The following CCDC62 variants were observed in gnomAD, a reference collection of about 807,000 sequenced individuals.
CCDC62 encodes coiled-coil domain containing 62, also known as coiled-coil domain-containing protein 62.
A neutral mutation model predicts 80.8 loss-of-function variants in CCDC62; 72 were observed. The ratio of observed to expected loss-of-function variants is 0.89; its 90% confidence interval spans 0.74 to 1.08. CCDC62 has a LOEUF of 1.08. Among genes scored for constraint, CCDC62 ranks in the 50% least tolerant of loss-of-function variants. CCDC62 has a pLI of 0.00. For missense variants in CCDC62, 704 were observed against 809.4 expected (o/e 0.87, Z 1.58); for synonymous variants, 286 against 296.5 (o/e 0.96, Z 0.36).
chr12:122,814,311 A>C (rs1478082856), intron 11 of CCDC62, among the ~76,000 whole-genome samples: 1 of 149,560 alleles, frequency 6.7e-6, no homozygotes, highest in African/African-American at 2.5e-5. Flanking sequence ...AGAGAGAGAG[A>C]AAGAAAGAAA....
intron 10 of CCDC62, among the ~76,000 whole-genome samples, chr12:122,812,831 A>AAAGAAAG (rs1566086864): frequency 7.2e-6 from 1 of 138,930 alleles, no homozygotes; most frequent in African/African-American, 2.6e-5. Context: ...AAGAAAGAAA[A>AAAGAAAG]GGAATGAATT....
chr12:122,790,663 TAAAA>T (rs1191032832), intron 5 of CCDC62, among the ~76,000 whole-genome samples: 1 of 150,282 alleles, frequency 6.7e-6, no homozygotes, highest in African/African-American at 2.4e-5. Flanking sequence ...CTCAAAAAAA[TAAAA>T]AAAAAGAAGA....
chr12:122,825,801 C>CA (rs1290612327), intron 12 of CCDC62, among the ~76,000 whole-genome samples: 1 of 139,528 alleles, frequency 7.2e-6, no homozygotes, highest in Non-Finnish European at 1.6e-5. Flanking sequence ...TCCTGGCCAA[C>CA]ATGGCGAAAC....
Position 122,783,477 on chromosome 12 carries a change from C to T in CCDC62, c.396+2147C>T, listed in dbSNP as rs906391648. 5.3e-5 allele frequency among the ~76,000 whole-genome samples: 8 copies of T among 152,070 alleles called. No individual in the cohort carries two copies. In the East Asian group the frequency reaches 5.8e-4, roughly 11 times the overall value. ...TCCTGACCTCGTGATCTGCCCGCCT[C>T]GGCCTCCCAAAGTGCTGGGATTACA... On this transcript the variant is annotated intron_variant, in intron 3 of 12. Transcript: ENST00000253079.
intron 8 of CCDC62, among the ~76,000 whole-genome samples, chr12:122,798,805 C>T (rs537638338): frequency 2.0e-5 from 3 of 151,436 alleles, no homozygotes; most frequent in Middle Eastern, 3.4e-3. Flanking sequence ...ATAGGCCTGG[C>T]GCGGTGGCTC....
At chr12:122,795,122 C>T (rs972683189) in intron 6 of CCDC62, among the ~76,000 whole-genome samples, 1 of 151,862 alleles carries the variant, frequency 6.6e-6, no homozygotes, top group Non-Finnish European at 1.5e-5. Flanking sequence ...GCGATCTTGT[C>T]TCACTTCAAC....
intron 11 of CCDC62, among the ~76,000 whole-genome samples, chr12:122,818,236 A>G (rs1466807641): frequency 6.6e-6 from 1 of 151,972 alleles, no homozygotes; most frequent in African/African-American, 2.4e-5. Context: ...GCGGATCATG[A>G]GGTCAGGAGA....
At chr12:122,775,448 T>C (rs1376682400) in intron 1 of CCDC62, among the ~76,000 whole-genome samples, 1 of 152,214 alleles carries the variant, frequency 6.6e-6, no homozygotes, top group African/African-American at 2.4e-5. Flanking sequence ...ATGTGCTCCT[T>C]GCCTGGAGGT....
At chr12:122,825,086 CAAAAA>C (rs879280596) in intron 12 of CCDC62, among the ~76,000 whole-genome samples, 1 of 107,062 alleles carries the variant, frequency 9.3e-6, no homozygotes, top group South Asian at 2.9e-4. Context: ...AACTCAGTCT[CAAAAA>C]AAAAAAGAAA....
chr12:122,801,200 C>G lies in CCDC62; in HGVS notation c.1054C>G (p.Leu352Val). 1 of 1,614,002 alleles carries G rather than the reference C, an allele frequency of 6.2e-7. No homozygotes were observed. The highest frequency in any genetic ancestry group is 8.5e-7 in the Non-Finnish European group (1 of 1,179,982). The change falls in exon 9 of 13, where the codon CTG (leucine) becomes GTG (valine). Residue 352 changes from leucine to valine, a missense_variant. By Grantham distance (32) the Leu-to-Val change is conservative. Coordinates refer to ENST00000253079, the MANE Select transcript of CCDC62 (RefSeq NM_201435.5). Reference sequence around the variant, plus strand: ...TAAGAGGGAAAAAAATCAGAAGTCACTGTTTAAGGACCAGAAATTTGAAGC... The same window carrying G: ...TAAGAGGGAAAAAAATCAGAAGTCAGTGTTTAAGGACCAGAAATTTGAAGC... ...DIKREKNQKSLFKDQKFEAML... is the reference protein window; with the variant it reads ...DIKREKNQKSVFKDQKFEAML...
chr12:122,820,040 C>T (rs896189705), intron 11 of CCDC62, among the ~76,000 whole-genome samples: 37 of 100,376 alleles, frequency 3.7e-4, no homozygotes, highest in African/African-American at 1.2e-3. Context: ...CCAGCCTGAG[C>T]GATACAGCAA....
At chr12:122,800,930 G>A (rs1469859707) in intron 8 of CCDC62, among the ~76,000 whole-genome samples, 194 bp from the exon 9 acceptor site, 2 of 152,150 alleles carry the variant, frequency 1.3e-5, no homozygotes, top group Non-Finnish European at 2.9e-5. Context: ...TGCAATAAGA[G>A]GAGGATGGAA....
At chr12:122,792,206 T>TC in intron 6 of CCDC62, 85 bp downstream of exon 6, 1 of 711,364 alleles carries the variant, frequency 1.4e-6, no homozygotes, top group Non-Finnish European at 2.3e-6. Context: ...AAAATGGTTT[T>TC]TTTTTTTTTT....
chr12:122,798,076 C>G lies in CCDC62; in HGVS notation c.862-9C>G, dbSNP rs2031068333. On this transcript the variant is annotated splice_polypyrimidine_tract_variant and intron_variant, in intron 7 of 12. Coordinates refer to ENST00000253079, the MANE Select transcript of CCDC62 (RefSeq NM_201435.5). Reference sequence around the variant, plus strand: ...ACATTTCATGTTGATTTGTCAATATCTATGACAGATTTATGTAAAACAACA... The same window carrying G: ...ACATTTCATGTTGATTTGTCAATATGTATGACAGATTTATGTAAAACAACA... The G allele has an allele frequency of 7.8e-7, 1 of 1,289,132 alleles. No homozygotes were observed. The highest frequency in any genetic ancestry group is 1.1e-6 in the Non-Finnish European group (1 of 888,636). 79.9% of individuals were successfully genotyped at this position (1,289,132 alleles called of 1,614,324 possible). A position where few individuals can be genotyped will look rare whatever the true frequency, so the allele number is the denominator to read the frequency against.
intron 11 of CCDC62, among the ~76,000 whole-genome samples, chr12:122,821,587 G>A (rs533023787): frequency 1.3e-5 from 2 of 152,034 alleles, no homozygotes; most frequent in East Asian, 1.9e-4. Context: ...ATATCTGGGA[G>A]TACAGGTGTT....
intron 10 of CCDC62, among the ~76,000 whole-genome samples, chr12:122,812,779 GAAAGAAAGAAAGAAAGAA>G (rs1431773731): frequency 1.7e-4 from 14 of 80,548 alleles, no homozygotes; most frequent in African/African-American, 9.5e-4. Flanking sequence ...GAGAGAGAGA[GAAAGAAAGAAAGAAAGAA>G]AGAAAGAAAG....
At chr12:122,820,132 A>G (rs951608163) in intron 11 of CCDC62, among the ~76,000 whole-genome samples, 5 of 151,884 alleles carry the variant, frequency 3.3e-5, no homozygotes, top group African/African-American at 1.2e-4. Context: ...ATATTTGCAC[A>G]AAGACACAGT....
chr12:122,801,702 G>A lies in CCDC62; in HGVS notation c.1556G>A (p.Ser519Asn), dbSNP rs1331331167. The A allele has an allele frequency of 8.7e-6, 14 of 1,614,086 alleles. No homozygotes were observed. Among genetic ancestry groups the A allele is most frequent in the Non-Finnish European group, 1.1e-5 (13 of 1,180,052 alleles). ...TGTGACTCCAAGTGCTGCCACCCGA[G>A]TAACTTCATAATTGAAGCCCCAGGC... ...GMCDSKCCHPSNFIIEAPGHM... is the reference protein window; with the variant it reads ...GMCDSKCCHPNNFIIEAPGHM... Residue 519 changes from serine (S) to asparagine (N), a missense_variant, in exon 9 of 13, where the codon AGT (serine) becomes AAT (asparagine). By Grantham distance (46) the Ser-to-Asn change is conservative. Transcript: ENST00000253079.
intron 6 of CCDC62, among the ~76,000 whole-genome samples, chr12:122,796,877 CT>C (rs11300322): frequency 0.37 from 13,606 of 36,776 alleles, 1,495 homozygotes; most frequent in African/African-American, 0.51. Context: ...ATCACTTCTT[CT>C]TTTTTTTTTT....
Sources: allele counts gnomAD v4.1 joint callset (sites outside exome capture counted in the v4.1 genomes callset), GRCh38; gene constraint gnomAD v4.1.1; transcripts MANE v1.5; gene names NCBI Gene and HGNC (gene_info 2026-07-23, HGNC 2026-07-21).